Variants in KIF26B observed in about 807,000 individuals in gnomAD.
KIF26B encodes the protein kinesin-like protein KIF26B.
Under a neutral mutation model 151.2 loss-of-function variants are expected in KIF26B, and 63 were observed. That is an observed-to-expected ratio of 0.42 (90% CI 0.34 to 0.51). KIF26B has a LOEUF of 0.51. KIF26B is among the 20% of genes least tolerant of loss of function. The probability of loss-of-function intolerance (pLI) is 0.07; values close to 1 mark genes in which losing one functional copy is unlikely to be tolerated. For missense variants in KIF26B, 2,813 were observed against 2,913.6 expected (o/e 0.97, Z 0.79); for synonymous variants, 1,357 against 1,262.1 (o/e 1.08, Z -1.59).
At chr1:245,252,537 G>A (rs1310843948) in intron 2 of KIF26B, among the ~76,000 whole-genome samples, 39 of 151,988 alleles carry the variant, frequency 2.6e-4, no homozygotes, top group Admixed American at 2.5e-3. Context: ...TACTATTAAT[G>A]AGATATATAA....
At chr1:245,507,022 G>T (rs1169269348) in intron 4 of KIF26B, among the ~76,000 whole-genome samples, 18 of 152,130 alleles carry the variant, frequency 1.2e-4, no homozygotes. Context: ...GTCCAGGGAG[G>T]GTAGACTTCC....
chr1:245,568,649 G>C (rs984855473), intron 5 of KIF26B, among the ~76,000 whole-genome samples: 1 of 152,216 alleles, frequency 6.6e-6, no homozygotes, highest in African/African-American at 2.4e-5. Context: ...CATCACAGCT[G>C]GCCCTGGGCG....
intron 4 of KIF26B, among the ~76,000 whole-genome samples, chr1:245,442,430 G>C (rs1459646252): frequency 6.6e-6 from 1 of 152,156 alleles, no homozygotes; most frequent in Non-Finnish European, 1.5e-5. Flanking sequence ...CCCAGAAGCA[G>C]ATCTTGATGA....
chr1:245,471,522 G>A (rs1659913222), intron 4 of KIF26B, among the ~76,000 whole-genome samples: 1 of 139,942 alleles, frequency 7.1e-6, no homozygotes, highest in African/African-American at 2.5e-5. Flanking sequence ...GTTGACAACT[G>A]CTGTTACAGT....
At chr1:245,156,014 C>T (rs1477578078) in intron 1 of KIF26B, among the ~76,000 whole-genome samples, 1 of 151,568 alleles carries the variant, frequency 6.6e-6, no homozygotes, top group Non-Finnish European at 1.5e-5. Flanking sequence ...TTGCAGAAGC[C>T]GTGGAAACGG....
intron 4 of KIF26B, among the ~76,000 whole-genome samples, chr1:245,483,013 C>A (rs904065720): frequency 6.6e-6 from 1 of 151,534 alleles, no homozygotes; most frequent in African/African-American, 2.4e-5. Context: ...GTGAGGAGGC[C>A]CAGGCAGCAG....
rs2043456217 is a variant in KIF26B at position 245,606,515 on chromosome 1, G to A, written c.1558-1136G>A. Reference sequence around the variant, plus strand: ...AGTCTCAGGTGCTAAACAAAGAGAAGGACATTTCCCAGATCTCCAAGTTAG... The same window carrying A: ...AGTCTCAGGTGCTAAACAAAGAGAAAGACATTTCCCAGATCTCCAAGTTAG... On this transcript the variant is annotated intron_variant, in intron 6 of 14. Coordinates refer to ENST00000407071, the MANE Select transcript of KIF26B (RefSeq NM_018012.4). The surrounding 1 kb of genome is among the most constrained non-coding windows in gnomAD (Gnocchi z 4.6). 6.6e-6 allele frequency among the ~76,000 whole-genome samples: 1 copy of A among 152,194 alleles called. No individual in the cohort carries two copies. The highest frequency in any genetic ancestry group is 1.5e-5 in the Non-Finnish European group (1 of 68,042).
chr1:245,692,625 CG>C (rs1290970520), intron 12 of KIF26B, among the ~76,000 whole-genome samples: 1 of 151,990 alleles, frequency 6.6e-6, no homozygotes, highest in Non-Finnish European at 1.5e-5. Flanking sequence ...CAGTCACACC[CG>C]GAACAAACAC....
intron 2 of KIF26B, among the ~76,000 whole-genome samples, chr1:245,302,675 A>G (rs573491838): frequency 2.6e-5 from 4 of 152,284 alleles, no homozygotes; most frequent in Admixed American, 2.6e-4. Flanking sequence ...CTTCTAAAAC[A>G]TAAGGAAGTA....
chr1:245,687,313 C>G lies in KIF26B; in HGVS notation c.4330C>G (p.Arg1444Gly), dbSNP rs753989123. 2 of 1,603,682 alleles carry G rather than the reference C, an allele frequency of 1.2e-6. No homozygotes were observed. Among genetic ancestry groups the G allele is most frequent in the Non-Finnish European group, 1.7e-6 (2 of 1,175,682 alleles). The part of the protein sequence containing the change: ...EMKFEDPWLK[R>G]EEEVKKETAH... ...GAAATTTGAGGACCCGTGGCTGAAA[C>G]GAGAAGAGGAAGTGAAAAAAGAGAC... Residue 1444 changes from arginine (R) to glycine (G), a missense_variant, in exon 12 of 15, where the codon CGA becomes GGA. This residue lies in a region of KIF26B where 2,060 missense variants were observed against 2,088.6 expected (regional missense o/e 0.99). Coordinates refer to ENST00000407071, the MANE Select transcript of KIF26B (RefSeq NM_018012.4). This position sits in a 1 kb window ranked among gnomAD's most constrained non-coding sequence, Gnocchi z 4.9.
intron 2 of KIF26B, among the ~76,000 whole-genome samples, chr1:245,253,955 G>T (rs970296408): frequency 1.3e-5 from 2 of 151,474 alleles, no homozygotes; most frequent in East Asian, 3.9e-4. Flanking sequence ...GACTACAGGC[G>T]CCCGCCACCA....
chr1:245,323,240 C>G (rs973611827), intron 2 of KIF26B, among the ~76,000 whole-genome samples: 2 of 152,110 alleles, frequency 1.3e-5, no homozygotes, highest in African/African-American at 2.4e-5. Context: ...TTGTGTCTTA[C>G]AGTTTTGCAA....
chr1:245,197,829 G>A (rs964942590), intron 2 of KIF26B, among the ~76,000 whole-genome samples: 2 of 152,206 alleles, frequency 1.3e-5, no homozygotes, highest in African/African-American at 4.8e-5. Flanking sequence ...ACTAGGCACA[G>A]TTTCACCACC....
At chr1:245,323,895 G>A (rs1055457430) in intron 2 of KIF26B, among the ~76,000 whole-genome samples, 3 of 151,766 alleles carry the variant, frequency 2.0e-5, no homozygotes, top group Non-Finnish European at 4.4e-5. Flanking sequence ...GTGGAGGTGG[G>A]GTGGTCCTGC....
chr1:245,597,068 T>C lies in KIF26B; in HGVS notation c.1351-5509T>C, dbSNP rs1388606281. On this transcript the variant is annotated intron_variant, in intron 5 of 14. Transcript: ENST00000407071. The surrounding 1 kb of genome is among the most constrained non-coding windows in gnomAD (Gnocchi z 4.6). ...CCTGAATACAGCACCCTGATGGGTCTTGACTCTTTATCCAATTTGCCAGTC... is the reference window on the plus strand; with the variant it reads ...CCTGAATACAGCACCCTGATGGGTCCTGACTCTTTATCCAATTTGCCAGTC... Among the ~76,000 whole-genome samples, 2 of 152,230 alleles carry C rather than the reference T, an allele frequency of 1.3e-5. No individual in the cohort carries two copies. The highest frequency in any genetic ancestry group is 4.8e-5 in the African/African-American group (2 of 41,458).
At chr1:245,374,451 C>G (rs1032598094) in intron 3 of KIF26B, among the ~76,000 whole-genome samples, 1 of 151,954 alleles carries the variant, frequency 6.6e-6, no homozygotes, top group African/African-American at 2.4e-5. Flanking sequence ...CAAGAAGGAA[C>G]AGGGGTGGGT....
In KIF26B at chr1:245,698,300, G is replaced by C; in HGVS notation, c.6019G>C (p.Ala2007Pro). The change falls in exon 13 of 15, where the codon GCC (alanine) becomes CCC (proline). Residue 2007 changes from alanine to proline, a missense_variant. Ala to Pro is a conservative substitution (Grantham distance 27). Around this residue, in one of 3 missense-constraint regions of KIF26B, gnomAD observed 2,060 missense variants for 2,088.6 expected, o/e 0.99. Coordinates refer to ENST00000407071, the MANE Select transcript of KIF26B (RefSeq NM_018012.4). This position sits in a 1 kb window ranked among gnomAD's most constrained non-coding sequence, Gnocchi z 4.0. ...VERLQRRRGG[A>P]SKEAMCFNAK... ...GCGCCTGCAGCGGCGACGAGGGGGT[G>C]CCAGCAAGGTGAGGCAGCCTCCTTC... 1 of 1,613,120 alleles carries C rather than the reference G, an allele frequency of 6.2e-7. No homozygotes were observed. The highest frequency in any genetic ancestry group is 8.5e-7 in the Non-Finnish European group (1 of 1,179,752).
intron 5 of KIF26B, among the ~76,000 whole-genome samples, chr1:245,559,661 C>T (rs968596572): frequency 1.3e-5 from 2 of 152,204 alleles, no homozygotes; most frequent in African/African-American, 4.8e-5. Context: ...ATCCACCCAC[C>T]TTGGCCTTCC....
chr1:245,233,450 G>T (rs1404976844), intron 2 of KIF26B, among the ~76,000 whole-genome samples: 1 of 152,178 alleles, frequency 6.6e-6, no homozygotes, highest in Non-Finnish European at 1.5e-5. Context: ...CCAGTGGAAA[G>T]ATATTACCTG....
Sources: allele counts gnomAD v4.1 joint callset (sites outside exome capture counted in the v4.1 genomes callset), GRCh38; gene constraint gnomAD v4.1.1; regional missense constraint gnomAD v4.1.1; non-coding constraint Gnocchi (gnomAD v3.1); transcripts MANE v1.5; gene names NCBI Gene and HGNC (gene_info 2026-07-23, HGNC 2026-07-21).